Variants in RNF185 observed in about 807,000 individuals in gnomAD.
The protein encoded by RNF185 is E3 ubiquitin-protein ligase RNF185.
In RNF185, 13 loss-of-function variants were observed where a neutral mutation model predicts 24.9. The observed-to-expected ratio is 0.52, with a 90% CI of 0.34 to 0.83. The LOEUF (loss-of-function observed/expected upper bound fraction) is 0.83. Ranked by LOEUF, RNF185 falls within the 40% of genes least tolerant of loss-of-function variation. The probability of loss-of-function intolerance (pLI) is 0.01; values close to 1 mark genes in which losing one functional copy is unlikely to be tolerated. For synonymous variants in RNF185, 79 were observed against 90.3 expected (o/e 0.88, Z 0.71); for missense variants, 184 against 244.7 (o/e 0.75, Z 1.65).
At chr22:31,197,927 G>T (rs978164107) in intron 5 of RNF185, among the ~76,000 whole-genome samples, 1 of 152,032 alleles carries the variant, frequency 6.6e-6, no homozygotes, top group Admixed American at 6.6e-5. Context: ...AAAAAAAATT[G>T]CACATTTGTC....
chr22:31,171,852 C>G (rs936661804), intron 1 of RNF185, among the ~76,000 whole-genome samples: 3 of 151,866 alleles, frequency 2.0e-5, no homozygotes, highest in Admixed American at 1.3e-4. Flanking sequence ...CCTGTAATCC[C>G]AGCTACTCAG....
intron 1 of RNF185, among the ~76,000 whole-genome samples, chr22:31,185,788 C>T (rs751330208): frequency 2.0e-5 from 3 of 152,144 alleles, no homozygotes; most frequent in East Asian, 3.9e-4. Context: ...TGGTTTTATC[C>T]TCTTTCTTGT....
intron 1 of RNF185, among the ~76,000 whole-genome samples, chr22:31,174,279 A>G (rs894963068): frequency 6.6e-6 from 1 of 152,236 alleles, no homozygotes; most frequent in Non-Finnish European, 1.5e-5. Context: ...TTTTAAGGAA[A>G]AAAGTTAAGG....
intron 1 of RNF185, among the ~76,000 whole-genome samples, chr22:31,165,748 G>A (rs888997966): frequency 3.9e-5 from 6 of 152,160 alleles, no homozygotes; most frequent in Admixed American, 3.9e-4. Context: ...GATATGATAA[G>A]ACTAGTCAGG....
intron 6 of RNF185, 48 bp downstream of exon 6, chr22:31,201,663 T>G (rs2048264626): frequency 7.6e-7 from 1 of 1,323,646 alleles, no homozygotes; most frequent in South Asian, 1.2e-5. Context: ...TTAGTAATAT[T>G]GCTTGAAAGC....
intron 1 of RNF185, among the ~76,000 whole-genome samples, chr22:31,165,756 A>G (rs1923881945): frequency 6.6e-6 from 1 of 152,186 alleles, no homozygotes; most frequent in South Asian, 2.1e-4. Flanking sequence ...AAGACTAGTC[A>G]GGGAGCCTTC....
intron 5 of RNF185, among the ~76,000 whole-genome samples, chr22:31,200,965 G>A (rs2048257337): frequency 6.6e-6 from 1 of 152,232 alleles, no homozygotes; most frequent in Admixed American, 6.5e-5. Context: ...CACAAGAGTT[G>A]TTCAGTGTTA....
intron 3 of RNF185, among the ~76,000 whole-genome samples, chr22:31,195,045 C>T (rs555940932): frequency 6.6e-6 from 1 of 152,114 alleles, no homozygotes; most frequent in Non-Finnish European, 1.5e-5. Flanking sequence ...CTCCGCCTCC[C>T]GGGTTCAAGC....
intron 1 of RNF185, among the ~76,000 whole-genome samples, chr22:31,162,684 A>G (rs1923652500): frequency 6.7e-6 from 1 of 150,272 alleles, no homozygotes; most frequent in Non-Finnish European, 1.5e-5. Context: ...TCTGCATACT[A>G]TATATAGGCT....
At chr22:31,166,606 CCCT>C (rs754140129) in intron 1 of RNF185, among the ~76,000 whole-genome samples, 15 of 147,596 alleles carry the variant, frequency 1.0e-4, no homozygotes, top group Non-Finnish European at 1.3e-4. Flanking sequence ...CCTTCCCTTC[CCCT>C]CCTCCTCCTC....
At position 31,161,534 on chromosome 22, in the gene RNF185, T is replaced by G. The variant is rs1008765214; in HGVS notation, c.-49+1231T>G. 3.3e-5 allele frequency among the ~76,000 whole-genome samples: 5 copies of G among 152,242 alleles called. No individual in the cohort carries two copies. In the East Asian group the frequency reaches 5.8e-4, roughly 18 times the overall value. On this transcript the variant is annotated intron_variant, in intron 1 of 6. Transcript: ENST00000326132. ...CAATATCTGATAGAGGCACCTTAAA[T>G]GTTTATTGAATGAATAAGTAAACTG...
intron 1 of RNF185, among the ~76,000 whole-genome samples, chr22:31,169,467 T>C (rs1168632915): frequency 6.6e-6 from 1 of 152,198 alleles, no homozygotes; most frequent in Non-Finnish European, 1.5e-5. Flanking sequence ...GTTTTTAAAG[T>C]CATGACCAAG....
intron 1 of RNF185, among the ~76,000 whole-genome samples, chr22:31,160,776 TAA>T (rs1283336027): frequency 6.6e-6 from 1 of 152,172 alleles, no homozygotes; most frequent in East Asian, 1.9e-4. Context: ...TTCTCGTCTC[TAA>T]AACGGGGCAG....
intron 1 of RNF185, among the ~76,000 whole-genome samples, chr22:31,184,806 T>C (rs2048081692): frequency 6.6e-6 from 1 of 151,868 alleles, no homozygotes; most frequent in Non-Finnish European, 1.5e-5. Flanking sequence ...TCCCAGGCAC[T>C]CGGCAGGCTG....
intron 1 of RNF185, among the ~76,000 whole-genome samples, chr22:31,176,782 C>T (rs996287026): frequency 6.6e-6 from 1 of 152,212 alleles, no homozygotes; most frequent in African/African-American, 2.4e-5. Context: ...GCCACCGTGT[C>T]CAGCCCATCC....
At chr22:31,162,752 T>G (rs1923657023) in intron 1 of RNF185, among the ~76,000 whole-genome samples, 1 of 148,412 alleles carries the variant, frequency 6.7e-6, no homozygotes, top group East Asian at 2.0e-4. Context: ...AGGGTGCTTT[T>G]TACATTTTTC....
At chr22:31,187,562 A>G (rs544852552) in intron 2 of RNF185, among the ~76,000 whole-genome samples, 23 of 152,334 alleles carry the variant, frequency 1.5e-4, no homozygotes, top group South Asian at 4.1e-4. Flanking sequence ...GCAGTATAGC[A>G]TAATGGTTAT....
chr22:31,177,560 T>TG (rs1568963310), intron 1 of RNF185, among the ~76,000 whole-genome samples: 1 of 152,138 alleles, frequency 6.6e-6, no homozygotes, highest in Non-Finnish European at 1.5e-5. Context: ...TCTATGAGTG[T>TG]GATGTAGACA....
chr22:31,201,220 CAG>C (rs1242357464), intron 5 of RNF185, among the ~76,000 whole-genome samples: 1 of 152,222 alleles, frequency 6.6e-6, no homozygotes, highest in African/African-American at 2.4e-5. Context: ...CTTATGTCAG[CAG>C]AGTGTTTCAC....
Sources: allele counts gnomAD v4.1 joint callset (sites outside exome capture counted in the v4.1 genomes callset), GRCh38; gene constraint gnomAD v4.1.1; transcripts MANE v1.5; gene names NCBI Gene and HGNC (gene_info 2026-07-23, HGNC 2026-07-21).